Variants in SUPT3H observed in about 807,000 individuals in gnomAD.
SUPT3H encodes transcription initiation protein SPT3 homolog.
A neutral mutation model predicts 44.3 loss-of-function variants in SUPT3H; 44 were observed. The observed-to-expected ratio is 0.99, with a 90% CI of 0.78 to 1.28. The LOEUF (loss-of-function observed/expected upper bound fraction) is 1.28. Among genes scored for constraint, SUPT3H ranks in the 50% most tolerant of loss-of-function variants. The pLI, the probability that SUPT3H is intolerant of heterozygous loss-of-function variation, is 0.00. For missense variants in SUPT3H, 380 were observed against 387.1 expected (o/e 0.98, Z 0.15); for synonymous variants, 124 against 125.6 (o/e 0.99, Z 0.09).
chr6:45,196,864 T>C (rs181597247), intron 2 of SUPT3H, among the ~76,000 whole-genome samples: 130 of 151,868 alleles, frequency 8.6e-4, no homozygotes, highest in African/African-American at 3.0e-3. Flanking sequence ...ATGGAGAAGA[T>C]TGACTTACAG....
chr6:44,915,703 A>G (rs1188463299), intron 10 of SUPT3H, among the ~76,000 whole-genome samples: 1 of 152,176 alleles, frequency 6.6e-6, no homozygotes, highest in Non-Finnish European at 1.5e-5. Flanking sequence ...ATTGTAACTC[A>G]GACATTCATT....
chr6:45,316,123 A>G (rs12525603), intron 2 of SUPT3H, among the ~76,000 whole-genome samples: 23,034 of 152,140 alleles, frequency 0.15, 1,984 homozygotes, highest in East Asian at 0.26. Flanking sequence ...GAACTAAGCT[A>G]TGAGGACACA....
chr6:44,840,182 A>G (rs1358257618), intron 10 of SUPT3H, among the ~76,000 whole-genome samples: 2 of 152,244 alleles, frequency 1.3e-5, no homozygotes, highest in Non-Finnish European at 2.9e-5. Context: ...CTATTCATGT[A>G]GCAGTCAAAT....
chr6:44,948,402 A>AACTAAAGAGCTTCTGC (rs1773697099), intron 9 of SUPT3H, among the ~76,000 whole-genome samples: 1 of 152,216 alleles, frequency 6.6e-6, no homozygotes, highest in Non-Finnish European at 1.5e-5. Context: ...GATCTAATTA[A>AACTAAAGAGCTTCTGC]ACTAAAGAGC....
At chr6:44,824,839 T>C (rs1486414057), downstream of SUPT3H, among the ~76,000 whole-genome samples, 2 of 152,186 alleles carry the variant, frequency 1.3e-5, no homozygotes, top group African/African-American at 4.8e-5. Flanking sequence ...CACTTTCCTA[T>C]TTATTTCCAT....
At chr6:45,016,194 T>C (rs1460693385) in intron 4 of SUPT3H, among the ~76,000 whole-genome samples, 1 of 152,070 alleles carries the variant, frequency 6.6e-6, no homozygotes, top group Non-Finnish European at 1.5e-5. Flanking sequence ...AATGTTAGTA[T>C]GATACCTACA....
At chr6:44,931,700 G>C (rs1257632097) in intron 10 of SUPT3H, among the ~76,000 whole-genome samples, 1 of 151,860 alleles carries the variant, frequency 6.6e-6, no homozygotes, top group Non-Finnish European at 1.5e-5. Flanking sequence ...GTTACACAGA[G>C]AATCTATCTA....
chr6:44,902,373 G>A (rs1168033408), intron 10 of SUPT3H, among the ~76,000 whole-genome samples: 2 of 152,068 alleles, frequency 1.3e-5, no homozygotes, highest in African/African-American at 2.4e-5. Context: ...GATTGCAGGG[G>A]TTGCAATCCT....
At position 45,158,298 on chromosome 6, in the gene SUPT3H, A is replaced by ATATATTTTTT; in HGVS notation, c.102-52293_102-52292insAAAAAATATA. On this transcript the variant is annotated intron_variant, in intron 2 of 10. Transcript: ENST00000371459. The stretch of plus-strand genomic sequence containing the variant: ...TACATATATATATATATATATATAT[A>ATATATTTTTT]TTTTTTTTTTTTTTTTTTTGAGATG... Among the ~76,000 whole-genome samples, 41 of 99,688 alleles carry ATATATTTTTT rather than the reference A, an allele frequency of 4.1e-4. 3 individuals carry two copies. Among genetic ancestry groups the ATATATTTTTT allele is most frequent in the African/African-American group, 2.0e-3 (40 of 19,982 alleles). 65.4% of individuals were successfully genotyped at this position (99,688 alleles called of 152,430 possible). A position where few individuals can be genotyped will look rare whatever the true frequency, so the allele number is the denominator to read the frequency against.
intron 2 of SUPT3H, among the ~76,000 whole-genome samples, chr6:45,253,556 T>A (rs964717962): frequency 3.3e-5 from 5 of 151,980 alleles, no homozygotes; most frequent in African/African-American, 1.2e-4. Flanking sequence ...TTTGGGAGGC[T>A]GAAGTGGGAG....
chr6:44,895,658 G>A (rs9367210), intron 10 of SUPT3H, among the ~76,000 whole-genome samples: 32,462 of 151,902 alleles, frequency 0.21, 4,049 homozygotes, highest in Non-Finnish European at 0.29. Context: ...TGGGGCTGTG[G>A]TTCAGCCTGA....
intron 8 of SUPT3H, among the ~76,000 whole-genome samples, chr6:44,953,899 A>G (rs1562123965): frequency 6.6e-6 from 1 of 151,930 alleles, no homozygotes. Flanking sequence ...TGCCCGGCTA[A>G]CTTTTTTTTG....
chr6:45,205,889 G>A (rs779671817), intron 2 of SUPT3H, among the ~76,000 whole-genome samples: 4 of 152,024 alleles, frequency 2.6e-5, no homozygotes, highest in Non-Finnish European at 4.4e-5. Flanking sequence ...ACTACCAGTT[G>A]AGATCAGCTC....
intron 3 of SUPT3H, among the ~76,000 whole-genome samples, chr6:45,067,705 T>G (rs1793619914): frequency 1.4e-5 from 2 of 147,676 alleles, no homozygotes; most frequent in South Asian, 4.2e-4. Context: ...AAGAAACACA[T>G]GAAAAAATGC....
At chr6:44,928,725 T>C (rs1206228108) in intron 10 of SUPT3H, among the ~76,000 whole-genome samples, 1 of 149,344 alleles carries the variant, frequency 6.7e-6, no homozygotes, top group African/African-American at 2.5e-5. Context: ...CTACTAAAAA[T>C]ACAAAAAATT....
intron 3 of SUPT3H, among the ~76,000 whole-genome samples, chr6:45,046,985 C>G (rs1259527199): frequency 6.6e-6 from 1 of 152,108 alleles, no homozygotes; most frequent in Non-Finnish European, 1.5e-5. Flanking sequence ...GTTTTTGGTA[C>G]TAAATTCTGA....
chr6:45,185,238 G>T (rs572370249), intron 2 of SUPT3H, among the ~76,000 whole-genome samples: 1 of 152,078 alleles, frequency 6.6e-6, no homozygotes. Flanking sequence ...ACAGCTAATC[G>T]CCACTATGTC....
intron 2 of SUPT3H, among the ~76,000 whole-genome samples, chr6:45,182,464 G>A (rs1418418929): frequency 2.0e-5 from 3 of 152,040 alleles, no homozygotes; most frequent in South Asian, 4.1e-4. Context: ...GTTTCACCAC[G>A]CTGGCCAGGC....
At chr6:45,316,508 C>T (rs1784728144) in intron 2 of SUPT3H, among the ~76,000 whole-genome samples, 1 of 151,544 alleles carries the variant, frequency 6.6e-6, no homozygotes, top group Non-Finnish European at 1.5e-5. Flanking sequence ...TGTTTGCAGA[C>T]AACATAATCT....
Sources: gnomAD v4.1 joint callset for allele counts (sites outside exome capture counted in the v4.1 genomes callset) on GRCh38, gnomAD v4.1.1 for gene constraint, MANE v1.5 for transcripts, NCBI Gene and HGNC (gene_info 2026-07-23, HGNC 2026-07-21) for gene names.